PELI1: variants seen among roughly 807,000 people sequenced by gnomAD.
The protein encoded by PELI1 is E3 ubiquitin-protein ligase pellino homolog 1.
A neutral mutation model predicts 41.3 loss-of-function variants in PELI1; 15 were observed. That is an observed-to-expected ratio of 0.36 (90% confidence interval 0.24 to 0.56). The LOEUF is 0.56. PELI1 is among the 20% of genes least tolerant of loss of function. The probability of loss-of-function intolerance (pLI) is 0.82; values close to 1 mark genes in which losing one functional copy is unlikely to be tolerated. For synonymous variants in PELI1, 178 were observed against 180.1 expected, an observed-to-expected ratio of 0.99 and a Z score of 0.09; for missense variants, 403 against 525.5, an observed-to-expected ratio of 0.77 and a Z score of 2.28.
chr2:64,128,057 AT>A (rs1681445940), intron 1 of PELI1, among the ~76,000 whole-genome samples: 1 of 152,072 alleles, frequency 6.6e-6, no homozygotes, highest in South Asian at 2.1e-4. Context: ...TTAAAAAAAA[AT>A]ATCAACCAGT....
chr2:64,127,838 T>A (rs1384760373), intron 1 of PELI1, among the ~76,000 whole-genome samples: 1 of 152,220 alleles, frequency 6.6e-6, no homozygotes, highest in African/African-American at 2.4e-5. Flanking sequence ...CTGTTAGGAC[T>A]GACCACTAGA....
chr2:64,103,045 G>C (rs1680498925), intron 3 of PELI1, among the ~76,000 whole-genome samples: 1 of 151,898 alleles, frequency 6.6e-6, no homozygotes, highest in Admixed American at 6.6e-5. Context: ...GTTTCACCAT[G>C]TTGCCCAGGC....
chr2:64,101,022 G>T (rs941974753), intron 3 of PELI1, among the ~76,000 whole-genome samples: 1 of 152,086 alleles, frequency 6.6e-6, no homozygotes, highest in African/African-American at 2.4e-5. Context: ...GAGCCACTGC[G>T]CCCGGCCCAT....
At chr2:64,112,416 C>A (rs143375531) in intron 1 of PELI1, among the ~76,000 whole-genome samples, 1 of 152,188 alleles carries the variant, frequency 6.6e-6, no homozygotes, top group South Asian at 2.1e-4. Context: ...AGTTCTATTG[C>A]GTCTATAGCA....
intron 4 of PELI1, 58 bp from the exon 5 acceptor site, chr2:64,096,668 T>C: frequency 2.6e-6 from 3 of 1,137,814 alleles, no homozygotes; most frequent in East Asian, 2.4e-5. Flanking sequence ...GGAAAATCCA[T>C]TCAAGAAGGG....
At position 64,144,388 on chromosome 2, in the gene PELI1, G is replaced by C. The variant is rs943760568; in HGVS notation, c.-377C>G. The C allele has an allele frequency of 2.0e-5, 3 of 152,350 alleles. No homozygotes were observed. The highest frequency in any genetic ancestry group is 2.1e-4 in the South Asian group (1 of 4,812). 9.4% of individuals were successfully genotyped at this position (152,350 alleles called of 1,614,324 possible). ...GGAGGCGGCGGCGGCGCCCCCCGAC[G>C]GTCCCTCCGCCTCACACCGCCTCTG... On this transcript the variant is annotated 5_prime_UTR_variant, in exon 1 of 7. Transcript: ENST00000358912.
chr2:64,119,971 A>C (rs186742720), intron 1 of PELI1, among the ~76,000 whole-genome samples: 250 of 152,336 alleles, frequency 1.6e-3, no homozygotes, highest in Middle Eastern at 3.4e-3. Context: ...AGTGAAACTG[A>C]TTTTTGTGGT....
At chr2:64,121,496 A>T (rs1681208294) in intron 1 of PELI1, among the ~76,000 whole-genome samples, 1 of 152,224 alleles carries the variant, frequency 6.6e-6, no homozygotes, top group South Asian at 2.1e-4. Flanking sequence ...GAGTATAAAA[A>T]TTCCTTATGT....
At chr2:64,130,387 T>C (rs79367616) in intron 1 of PELI1, among the ~76,000 whole-genome samples, 6,433 of 152,302 alleles carry the variant, frequency 0.042, 156 homozygotes, top group African/African-American at 0.078. Flanking sequence ...TTATCACTAT[T>C]CACTTGTAAA....
chr2:64,094,873 A>G lies in PELI1; in HGVS notation c.1086T>C (p.His362=), dbSNP rs377541876. ...ACACATGCCCACACGGGCTAAACGC[A>G]TGGGTTGGAGGGCCGGCGTCCACAT... ...GFYVDAGPPT[H]AFSPCGHVCS... Residue 362 remains histidine (H), a synonymous_variant, in exon 7 of 7, where the codon CAT becomes CAC. Coordinates refer to ENST00000358912, the MANE Select transcript of PELI1 (RefSeq NM_020651.4). 3.3e-5 allele frequency: 54 copies of G among 1,614,012 alleles called. No individual in the cohort carries two copies. Among genetic ancestry groups the G allele is most frequent in the Non-Finnish European group, 3.7e-5 (44 of 1,180,032 alleles).
chr2:64,124,175 TA>T (rs1681312439), intron 1 of PELI1, among the ~76,000 whole-genome samples: 1 of 152,188 alleles, frequency 6.6e-6, no homozygotes, highest in Non-Finnish European at 1.5e-5. Flanking sequence ...GAATGATAGC[TA>T]AAGGCTATGA....
chr2:64,099,201 C>CACAT (rs765141638), intron 4 of PELI1, among the ~76,000 whole-genome samples: 79 of 149,582 alleles, frequency 5.3e-4, no homozygotes, highest in African/African-American at 9.4e-4. Context: ...CACACACACA[C>CACAT]ATATATATTT....
chr2:64,141,939 T>G (rs961905625), intron 1 of PELI1, among the ~76,000 whole-genome samples: 2 of 152,210 alleles, frequency 1.3e-5, no homozygotes, highest in African/African-American at 2.4e-5. Flanking sequence ...TAAATCTGGC[T>G]TGAAAATACC....
intron 4 of PELI1, among the ~76,000 whole-genome samples, chr2:64,097,386 A>C (rs957747721): frequency 6.6e-6 from 1 of 152,260 alleles, no homozygotes; most frequent in Non-Finnish European, 1.5e-5. Flanking sequence ...GAATTTCACT[A>C]CATCAACTTT....
intron 3 of PELI1, among the ~76,000 whole-genome samples, chr2:64,103,274 G>A (rs1315228143): frequency 6.6e-6 from 1 of 152,188 alleles, no homozygotes; most frequent in East Asian, 1.9e-4. Flanking sequence ...TATTACAGAG[G>A]CAGGGATTAG....
intron 1 of PELI1, among the ~76,000 whole-genome samples, chr2:64,136,410 C>A (rs1474910268): frequency 6.6e-6 from 1 of 152,148 alleles, no homozygotes; most frequent in East Asian, 1.9e-4. Flanking sequence ...CATCTACACA[C>A]ACTAAAGGGA....
chr2:64,125,098 C>T (rs1313820384), intron 1 of PELI1, among the ~76,000 whole-genome samples: 2 of 138,254 alleles, frequency 1.4e-5, no homozygotes, highest in Non-Finnish European at 3.1e-5. Flanking sequence ...GGGGCGGGGG[C>T]GCGGGGAGGG....
chr2:64,128,869 A>AT (rs1681468913), intron 1 of PELI1, among the ~76,000 whole-genome samples: 1 of 152,210 alleles, frequency 6.6e-6, no homozygotes, highest in Non-Finnish European at 1.5e-5. Context: ...TGAGATCCTA[A>AT]TTAACACATT....
rs138222749 is a variant in PELI1 at position 64,095,544 on chromosome 2, A to T, written c.691-276T>A. 8.4e-3 allele frequency among the ~76,000 whole-genome samples: 1,278 copies of T among 152,334 alleles called. 16 individuals are homozygous for T. Among genetic ancestry groups the T allele is most frequent in the African/African-American group, 0.025 (1,057 of 41,574 alleles). On this transcript the variant is annotated intron_variant, in intron 6 of 6. Coordinates refer to ENST00000358912, the MANE Select transcript of PELI1 (RefSeq NM_020651.4). ...AAGTCTAATATTTTTAATGAGGTAA[A>T]TATGGTTTAAGATATACAGATGGCA...
Sources: gnomAD v4.1 joint callset for allele counts (sites outside exome capture counted in the v4.1 genomes callset) on GRCh38, gnomAD v4.1.1 for gene constraint, MANE v1.5 for transcripts, NCBI Gene and HGNC (gene_info 2026-07-23, HGNC 2026-07-21) for gene names.